Variants in ADGRV1 observed in about 807,000 individuals in gnomAD.
The protein encoded by ADGRV1 is adhesion G protein-coupled receptor V1, also known as G-protein coupled receptor 98.
Under a neutral mutation model 596.2 loss-of-function variants are expected in ADGRV1, and 359 were observed. The ratio of observed to expected loss-of-function variants is 0.60; its 90% confidence interval spans 0.55 to 0.66. The LOEUF (loss-of-function observed/expected upper bound fraction) is 0.66, where lower values mean the gene tolerates loss of function less well. Ranked by LOEUF, ADGRV1 falls within the 30% of genes least tolerant of loss-of-function variation. The pLI, the probability that ADGRV1 is intolerant of heterozygous loss-of-function variation, is 0.00. For synonymous variants in ADGRV1, 2,681 were observed against 2,679.2 expected (o/e 1.00, Z -0.02); for missense variants, 7,274 against 7,575.6 (o/e 0.96, Z 1.48).
chr5:90,675,497 A>T (rs1251903141), intron 24 of ADGRV1, 52 bp downstream of exon 24: 4 of 1,492,232 alleles, frequency 2.7e-6, no homozygotes, highest in Non-Finnish European at 3.7e-6. Context: ...AAACAGACAT[A>T]ATCCTTCTCT....
intron 87 of ADGRV1, among the ~76,000 whole-genome samples, chr5:91,131,757 G>A (rs1794237456): frequency 6.6e-6 from 1 of 152,140 alleles, no homozygotes; most frequent in Admixed American, 6.5e-5. Flanking sequence ...TGTTTCCTCT[G>A]TTGATAGATT....
chr5:90,756,787 A>G, intron 56 of ADGRV1, 157 bp downstream of exon 56: 1 of 765,048 alleles, frequency 1.3e-6, no homozygotes, highest in Non-Finnish European at 2.1e-6. Flanking sequence ...GGGCTAGACC[A>G]AAGGATTCAA....
chr5:90,633,711 G>A (rs1765789566), intron 9 of ADGRV1, among the ~76,000 whole-genome samples: 1 of 151,868 alleles, frequency 6.6e-6, no homozygotes, highest in African/African-American at 2.4e-5. Flanking sequence ...TACATTGTAA[G>A]GTAAATGCAG....
chr5:90,989,760 C>A (rs1357277866), intron 85 of ADGRV1, among the ~76,000 whole-genome samples: 1 of 152,202 alleles, frequency 6.6e-6, no homozygotes, highest in Non-Finnish European at 1.5e-5. Flanking sequence ...TCTTCCCACT[C>A]TCCTCCCTTG....
At chr5:91,120,996 A>C (rs1166763536) in intron 87 of ADGRV1, among the ~76,000 whole-genome samples, 1 of 152,112 alleles carries the variant, frequency 6.6e-6, no homozygotes, top group African/African-American at 2.4e-5. Flanking sequence ...CAACATGGTA[A>C]AACCCCATTT....
In ADGRV1 at chr5:91,019,591, G is replaced by GAA. The variant is rs5869531; in HGVS notation, c.18152+34075_18152+34076dup. On this transcript the variant is annotated intron_variant, in intron 85 of 89. Coordinates refer to ENST00000405460, the MANE Select transcript of ADGRV1 (RefSeq NM_032119.4). ...TTACTTGGTTATTTCTCTTCTGTGGGAAAAAAATGGATATGATGCCACTTG... is the reference window on the plus strand; with the variant it reads ...TTACTTGGTTATTTCTCTTCTGTGGGAAAAAAAAATGGATATGATGCCACTTG... Among the ~76,000 whole-genome samples the GAA allele has an allele frequency of 1.2e-4, 18 of 151,676 alleles. No homozygotes were observed. In the Middle Eastern group the frequency reaches 0.01, roughly 86 times the overall value.
intron 1 of ADGRV1, among the ~76,000 whole-genome samples, chr5:90,577,326 T>C (rs988878419): frequency 1.3e-5 from 2 of 152,244 alleles, no homozygotes; most frequent in Non-Finnish European, 2.9e-5. Context: ...TTTTCAGCTT[T>C]CTACATATGG....
Position 90,972,771 on chromosome 5 carries a change from G to C in ADGRV1, c.17973+7240G>C, listed in dbSNP as rs900011642. 1.6e-4 allele frequency among the ~76,000 whole-genome samples: 25 copies of C among 151,938 alleles called. No individual in the cohort carries two copies. The Middle Eastern group carries it at 0.017, about 103-fold the overall frequency. Reference sequence around the variant, plus strand: ...AGCAGGAACGATCTAAAATTGACACGCTAACATCACAATTAAAGAACTAGA... The same window carrying C: ...AGCAGGAACGATCTAAAATTGACACCCTAACATCACAATTAAAGAACTAGA... On this transcript the variant is annotated intron_variant, in intron 84 of 89. Coordinates refer to ENST00000405460, the MANE Select transcript of ADGRV1 (RefSeq NM_032119.4).
At chr5:90,765,068 C>T (rs1756953180) in intron 59 of ADGRV1, among the ~76,000 whole-genome samples, 1 of 152,106 alleles carries the variant, frequency 6.6e-6, no homozygotes, top group Admixed American at 6.5e-5. Context: ...TCTCTGTGGA[C>T]TCTTGCTGCT....
At chr5:90,584,344 C>T (rs1758465900) in intron 1 of ADGRV1, among the ~76,000 whole-genome samples, 1 of 152,212 alleles carries the variant, frequency 6.6e-6, no homozygotes, top group Non-Finnish European at 1.5e-5. Context: ...GCTGCTAGAG[C>T]TCAAGCTTCA....
At chr5:91,117,453 A>G (rs994902331) in intron 87 of ADGRV1, among the ~76,000 whole-genome samples, 10 of 152,136 alleles carry the variant, frequency 6.6e-5, no homozygotes, top group African/African-American at 2.4e-4. Flanking sequence ...TTATTTCATT[A>G]AATCTTTGCG....
intron 21 of ADGRV1, among the ~76,000 whole-genome samples, chr5:90,667,690 C>A (rs537238382): frequency 2.0e-5 from 3 of 152,120 alleles, no homozygotes; most frequent in South Asian, 2.1e-4. Flanking sequence ...AGGCGCTCTG[C>A]TTTTTAGAGT....
At chr5:90,737,038 A>G (rs1440156720) in intron 50 of ADGRV1, among the ~76,000 whole-genome samples, 1 of 151,192 alleles carries the variant, frequency 6.6e-6, no homozygotes, top group African/African-American at 2.4e-5. Context: ...TTTAGTTGTA[A>G]TATTAGACCA....
At chr5:91,119,405 C>A (rs145931148) in intron 87 of ADGRV1, among the ~76,000 whole-genome samples, 4 of 152,162 alleles carry the variant, frequency 2.6e-5, no homozygotes, top group Non-Finnish European at 5.9e-5. Context: ...GTGCAGTCCA[C>A]GGGAGTCTTA....
intron 83 of ADGRV1, among the ~76,000 whole-genome samples, chr5:90,899,803 C>G (rs1054500612): frequency 1.3e-5 from 2 of 152,150 alleles, no homozygotes; most frequent in Non-Finnish European, 1.5e-5. Flanking sequence ...CCACCTCAAT[C>G]TGTTCTACCT....
intron 1 of ADGRV1, among the ~76,000 whole-genome samples, chr5:90,581,772 C>G (rs374535347): frequency 6.6e-6 from 1 of 152,174 alleles, no homozygotes; most frequent in East Asian, 1.9e-4. Context: ...CCACTGCTCT[C>G]TTCAGAGCTG....
In ADGRV1 at chr5:90,690,797, G is replaced by A. The variant is rs562391671; in HGVS notation, c.6707G>A (p.Gly2236Asp). 1.3e-6 allele frequency: 2 copies of A among 1,591,554 alleles called. No homozygotes were observed. The highest frequency in any genetic ancestry group is 1.7e-6 in the Non-Finnish European group (2 of 1,167,602). Reference sequence around the variant, plus strand: ...GAACTCTGCTCTGTCTACCCTTCAGGTTTTCAGATTACTAAACTTATTGTA... The same window carrying A: ...GAACTCTGCTCTGTCTACCCTTCAGATTTTCAGATTACTAAACTTATTGTA... ...EASDDPYGLF[G>D]FQITKLIVEE... Residue 2236 changes from glycine to aspartate, a missense_variant and splice_region_variant, in exon 31 of 90, where the codon GGT becomes GAT. Coordinates refer to ENST00000405460, the MANE Select transcript of ADGRV1 (RefSeq NM_032119.4).
chr5:90,857,822 A>G (rs145266120), intron 82 of ADGRV1, among the ~76,000 whole-genome samples: 189 of 152,330 alleles, frequency 1.2e-3, no homozygotes, highest in African/African-American at 3.9e-3. Context: ...TATCTTATAT[A>G]CATATTCTAT....
At chr5:91,152,137 G>A (rs1282573337) in intron 88 of ADGRV1, among the ~76,000 whole-genome samples, 1 of 152,178 alleles carries the variant, frequency 6.6e-6, no homozygotes, top group Non-Finnish European at 1.5e-5. Context: ...ATTCCTCAGA[G>A]GCATAGAATT....
Sources: allele counts gnomAD v4.1 joint callset (sites outside exome capture counted in the v4.1 genomes callset), GRCh38; gene constraint gnomAD v4.1.1; transcripts MANE v1.5; gene names NCBI Gene and HGNC (gene_info 2026-07-23, HGNC 2026-07-21).